The following BCL2 variants were observed in gnomAD, a reference collection of about 807,000 sequenced individuals.
BCL2 encodes the protein BCL2 apoptosis regulator, also known as apoptosis regulator Bcl-2.
Under a neutral mutation model 14.2 loss-of-function variants are expected in BCL2, and 1 was observed. That is an observed-to-expected ratio of 0.07 (90% confidence interval 0.02 to 0.33). The LOEUF (loss-of-function observed/expected upper bound fraction) is 0.33, where lower values mean the gene tolerates loss of function less well. Among genes scored for constraint, BCL2 ranks in the 10% least tolerant of loss-of-function variants. The probability of loss-of-function intolerance (pLI) is 0.99; values close to 1 mark genes in which losing one functional copy is unlikely to be tolerated. For synonymous variants in BCL2, 151 were observed against 137.2 expected (o/e 1.10, Z -0.70); for missense variants, 247 against 305.9 (o/e 0.81, Z 1.44).
intron 2 of BCL2, among the ~76,000 whole-genome samples, chr18:63,183,005 G>A (rs1479049080): frequency 5.9e-5 from 9 of 152,196 alleles, no homozygotes; most frequent in Admixed American, 3.9e-4. Context: ...ACTCAGCACC[G>A]AGCTGGGCAT....
intron 2 of BCL2, among the ~76,000 whole-genome samples, chr18:63,189,975 T>C (rs188896513): frequency 7.6e-4 from 115 of 152,286 alleles, no homozygotes; most frequent in Admixed American, 1.2e-3. Context: ...CCAGATTAAA[T>C]AGAATGTTGA....
intron 2 of BCL2, among the ~76,000 whole-genome samples, chr18:63,141,893 C>G (rs1328752206): frequency 2.0e-5 from 3 of 152,258 alleles, no homozygotes; most frequent in Admixed American, 6.5e-5. Context: ...CCATGTGACT[C>G]GTGAACACGG....
At chr18:63,217,601 C>G (rs1349981543) in intron 2 of BCL2, among the ~76,000 whole-genome samples, 1 of 152,188 alleles carries the variant, frequency 6.6e-6, no homozygotes, top group Non-Finnish European at 1.5e-5. Context: ...GTGCTGACCG[C>G]CAAATGACAG....
chr18:63,272,654 T>C (rs1175981892), intron 2 of BCL2, among the ~76,000 whole-genome samples: 1 of 152,232 alleles, frequency 6.6e-6, no homozygotes, highest in Non-Finnish European at 1.5e-5. Flanking sequence ...GTACAAATGA[T>C]TTGTGTAATC....
intron 2 of BCL2, among the ~76,000 whole-genome samples, chr18:63,137,505 A>G (rs949283617): frequency 2.0e-5 from 3 of 152,178 alleles, no homozygotes; most frequent in African/African-American, 7.2e-5. Flanking sequence ...ATTTTTTTAA[A>G]AGGGGAGTAT....
intron 2 of BCL2, among the ~76,000 whole-genome samples, chr18:63,204,886 G>A (rs1287625388): frequency 6.6e-6 from 1 of 152,170 alleles, no homozygotes; most frequent in Admixed American, 6.5e-5. Flanking sequence ...TTTTGTGTAA[G>A]AAAGGGAAAA....
rs566072775 is a variant in BCL2 at position 63,123,394 on chromosome 18, G to C, written c.*5231C>G. The stretch of plus-strand genomic sequence containing the variant: ...TTTTCTTCACAATATTAACTAGACA[G>C]ACAAGGAAAGTTTAATGGCAATGTG... On this transcript the variant is annotated 3_prime_UTR_variant, in exon 3 of 3. Coordinates refer to ENST00000333681, the MANE Select transcript of BCL2 (RefSeq NM_000633.3). 1 of 193,446 alleles carries C rather than the reference G, an allele frequency of 5.2e-6. No individual in the cohort carries two copies. Among genetic ancestry groups the C allele is most frequent in the East Asian group, 8.1e-5 (1 of 12,370 alleles). The allele number at this position is 193,446 out of a possible 1,614,324, so 12.0% of individuals were successfully genotyped here. A position where few individuals can be genotyped will look rare whatever the true frequency, so the allele number is the denominator to read the frequency against.
At position 63,266,373 on chromosome 18, in the gene BCL2, T is replaced by C. The variant is rs532382555; in HGVS notation, c.585+51709A>G. 3.3e-5 allele frequency among the ~76,000 whole-genome samples: 5 copies of C among 151,728 alleles called. No homozygotes were observed. The East Asian group carries it at 9.7e-4, about 29-fold the overall frequency. Reference sequence around the variant, plus strand: ...AAGAAAATCACATAGTGTCTACATATATATTTGTAAATATCCCTGGAAAGA... The same window carrying C: ...AAGAAAATCACATAGTGTCTACATACATATTTGTAAATATCCCTGGAAAGA... On this transcript the variant is annotated intron_variant, in intron 2 of 2. Transcript: ENST00000333681.
At chr18:63,304,643 A>G (rs1043639496) in intron 2 of BCL2, among the ~76,000 whole-genome samples, 2 of 152,154 alleles carry the variant, frequency 1.3e-5, no homozygotes, top group Admixed American at 1.3e-4. Context: ...GGTTTGTCAC[A>G]TAGGTAAACT....
At chr18:63,231,513 G>C (rs1171140991) in intron 2 of BCL2, among the ~76,000 whole-genome samples, 1 of 151,992 alleles carries the variant, frequency 6.6e-6, no homozygotes, top group Non-Finnish European at 1.5e-5. Flanking sequence ...GGACGCTGGA[G>C]ACAAGATTAA....
intron 2 of BCL2, among the ~76,000 whole-genome samples, chr18:63,154,721 A>G (rs1317690344): frequency 6.6e-6 from 1 of 151,916 alleles, no homozygotes; most frequent in Non-Finnish European, 1.5e-5. Flanking sequence ...CTGCCCCCTC[A>G]AGGCTCACCA....
intron 2 of BCL2, among the ~76,000 whole-genome samples, chr18:63,190,068 C>T (rs1909246800): frequency 6.6e-6 from 1 of 152,102 alleles, no homozygotes; most frequent in Admixed American, 6.6e-5. Flanking sequence ...ATTACTCAGC[C>T]CTGATCTTGG....
chr18:63,187,720 C>T (rs1011565184), intron 2 of BCL2, among the ~76,000 whole-genome samples: 1 of 152,198 alleles, frequency 6.6e-6, no homozygotes, highest in Non-Finnish European at 1.5e-5. Flanking sequence ...TTGTTGTTAC[C>T]TCTACATGGC....
chr18:63,127,934 AT>A lies in BCL2; in HGVS notation c.*690del. The A allele has an allele frequency of 4.4e-6, 1 of 225,530 alleles. No individual in the cohort carries two copies. The highest frequency in any genetic ancestry group is 6.4e-5 in the East Asian group (1 of 15,714). The allele number at this position is 225,530 out of a possible 1,614,324, so 14.0% of individuals were successfully genotyped here. On this transcript the variant is annotated 3_prime_UTR_variant, in exon 3 of 3. Coordinates refer to ENST00000333681, the MANE Select transcript of BCL2 (RefSeq NM_000633.3). ...AAATACTTTCCTATGATTTAAGGGC[AT>A]TTTTCCCATCGCTGTCCTTCGGCGT...
intron 2 of BCL2, among the ~76,000 whole-genome samples, chr18:63,197,789 T>C (rs781709181): frequency 2.0e-5 from 3 of 152,092 alleles, no homozygotes; most frequent in South Asian, 2.1e-4. Flanking sequence ...TGAATTCAAA[T>C]GAAAAGCATG....
intron 2 of BCL2, among the ~76,000 whole-genome samples, chr18:63,177,864 G>C (rs1010978321): frequency 1.3e-5 from 2 of 152,250 alleles, no homozygotes; most frequent in Admixed American, 1.3e-4. Context: ...GCCTCCCTGT[G>C]GTGGACTCTC....
At chr18:63,288,292 T>C (rs1274439744) in intron 2 of BCL2, among the ~76,000 whole-genome samples, 1 of 152,166 alleles carries the variant, frequency 6.6e-6, no homozygotes, top group Admixed American at 6.5e-5. Flanking sequence ...GGAATGACAC[T>C]GACCCAGCAA....
At chr18:63,139,493 T>C (rs1914300131) in intron 2 of BCL2, among the ~76,000 whole-genome samples, 1 of 152,220 alleles carries the variant, frequency 6.6e-6, no homozygotes, top group African/African-American at 2.4e-5. Context: ...AGTAACTGCT[T>C]GGTAATATTC....
At chr18:63,158,084 C>T (rs1273752303) in intron 2 of BCL2, among the ~76,000 whole-genome samples, 1 of 152,058 alleles carries the variant, frequency 6.6e-6, no homozygotes, top group African/African-American at 2.4e-5. Context: ...TGGCCTGGAA[C>T]CCTGGGATTC....
Sources: allele counts gnomAD v4.1 joint callset (sites outside exome capture counted in the v4.1 genomes callset), GRCh38; gene constraint gnomAD v4.1.1; transcripts MANE v1.5; gene names NCBI Gene and HGNC (gene_info 2026-07-23, HGNC 2026-07-21).